The following KCNIP4 variants were observed in gnomAD, a reference collection of about 807,000 sequenced individuals.
KCNIP4 encodes the protein potassium voltage-gated channel interacting protein 4.
KCNIP4 carries 12 observed loss-of-function variants against 34.0 expected under a neutral mutation model. That is an observed-to-expected ratio of 0.35 (90% CI 0.23 to 0.57). The LOEUF (loss-of-function observed/expected upper bound fraction) is 0.57. KCNIP4 is among the 20% of genes least tolerant of loss of function. The pLI is 0.83. For synonymous variants in KCNIP4, 124 were observed against 102.2 expected (o/e 1.21, Z -1.29); for missense variants, 238 against 311.7 (o/e 0.76, Z 1.78).
intron 1 of KCNIP4, among the ~76,000 whole-genome samples, chr4:20,962,861 G>A (rs1733980013): frequency 6.6e-6 from 1 of 152,150 alleles, no homozygotes; most frequent in African/African-American, 2.4e-5. Context: ...TTCAACTCAT[G>A]TCTTATCCAT....
At chr4:21,636,140 G>A (rs1462798528) in intron 1 of KCNIP4, among the ~76,000 whole-genome samples, 1 of 125,336 alleles carries the variant, frequency 8.0e-6, no homozygotes, top group Non-Finnish European at 1.6e-5. Flanking sequence ...GGACTGTTGT[G>A]GGGTGGGGGG....
At chr4:21,288,980 T>C (rs62294086) in intron 1 of KCNIP4, among the ~76,000 whole-genome samples, 9 of 152,132 alleles carry the variant, frequency 5.9e-5, no homozygotes, top group Non-Finnish European at 1.2e-4. Context: ...CACTTGTTAA[T>C]AAAGGAAAAC....
intron 1 of KCNIP4, among the ~76,000 whole-genome samples, chr4:21,789,598 C>A (rs1171678969): frequency 6.6e-6 from 1 of 152,216 alleles, no homozygotes; most frequent in Admixed American, 6.5e-5. Flanking sequence ...GACTACGTAA[C>A]ATCTTTGCTA....
intron 1 of KCNIP4, among the ~76,000 whole-genome samples, chr4:20,952,530 G>A (rs1732884854): frequency 6.6e-6 from 1 of 151,986 alleles, no homozygotes; most frequent in South Asian, 2.1e-4. Flanking sequence ...AAAACTATAT[G>A]TTCAAAGTCA....
At chr4:21,229,491 T>C (rs1758644017) in intron 1 of KCNIP4, among the ~76,000 whole-genome samples, 1 of 152,184 alleles carries the variant, frequency 6.6e-6, no homozygotes, top group Non-Finnish European at 1.5e-5. Context: ...ATTTATTCAT[T>C]TGCAAACACA....
intron 1 of KCNIP4, among the ~76,000 whole-genome samples, chr4:21,017,447 T>A (rs1739645855): frequency 6.6e-6 from 1 of 152,190 alleles, no homozygotes; most frequent in South Asian, 2.1e-4. Flanking sequence ...CAGTGTTTGG[T>A]TTTCTGTTCC....
chr4:20,946,041 T>C (rs913670154), intron 1 of KCNIP4, among the ~76,000 whole-genome samples: 1 of 152,112 alleles, frequency 6.6e-6, no homozygotes, highest in African/African-American at 2.4e-5. Flanking sequence ...AAAAAAATAC[T>C]GAGAAGTTTA....
intron 1 of KCNIP4, among the ~76,000 whole-genome samples, chr4:21,612,046 T>C (rs772062307): frequency 6.6e-6 from 1 of 152,240 alleles, no homozygotes; most frequent in Non-Finnish European, 1.5e-5. Flanking sequence ...TAATTGTCTT[T>C]TTAATAACAA....
At chr4:21,685,506 C>T (rs955103816) in intron 1 of KCNIP4, among the ~76,000 whole-genome samples, 1 of 152,132 alleles carries the variant, frequency 6.6e-6, no homozygotes, top group Admixed American at 6.5e-5. Flanking sequence ...CCACCTGAGG[C>T]ACTTGTCACA....
intron 1 of KCNIP4, among the ~76,000 whole-genome samples, chr4:21,267,626 G>C (rs1279843046): frequency 3.4e-5 from 5 of 145,148 alleles, no homozygotes; most frequent in African/African-American, 7.6e-5. Flanking sequence ...TTTGTCTTTG[G>C]TTCTGTTTAT....
intron 1 of KCNIP4, among the ~76,000 whole-genome samples, chr4:21,934,207 A>T (rs1729725908): frequency 6.6e-6 from 1 of 152,032 alleles, no homozygotes; most frequent in African/African-American, 2.4e-5. Context: ...CCAGGATAAG[A>T]TATATCCTTC....
chr4:21,023,036 T>G (rs1740213342), intron 1 of KCNIP4, among the ~76,000 whole-genome samples: 1 of 152,164 alleles, frequency 6.6e-6, no homozygotes, highest in South Asian at 2.1e-4. Context: ...TTGGTCAGGC[T>G]GGTCTCGAAG....
chr4:21,056,809 G>GTGATAATA lies in KCNIP4; in HGVS notation c.62-174108_62-174101dup, dbSNP rs534581699. Among the ~76,000 whole-genome samples, 153 of 152,208 alleles carry GTGATAATA rather than the reference G, an allele frequency of 1.0e-3. 2 individuals are homozygous for GTGATAATA. Among genetic ancestry groups the GTGATAATA allele is most frequent in the Middle Eastern group, 3.4e-3 (1 of 294 alleles). On this transcript the variant is annotated intron_variant, in intron 1 of 8. Transcript: ENST00000382152. ...TATATGCAGAAGCCCTAAATCCAAT[G>GTGATAATA]TGATAATATTGGGAAGTGGGGCCTT... is the stretch of plus-strand genomic sequence containing the variant.
intron 1 of KCNIP4, among the ~76,000 whole-genome samples, chr4:21,506,298 A>G (rs902001107): frequency 4.6e-5 from 7 of 152,164 alleles, no homozygotes; most frequent in African/African-American, 1.7e-4. Context: ...CTTCCTCTTC[A>G]TAGCCACCTG....
intron 1 of KCNIP4, among the ~76,000 whole-genome samples, chr4:21,330,045 GC>G (rs1715475050): frequency 6.6e-6 from 1 of 152,052 alleles, no homozygotes; most frequent in Admixed American, 6.6e-5. Context: ...GACTTCATAA[GC>G]AAAAGCATAC....
chr4:21,381,408 G>T (rs1721492482), intron 1 of KCNIP4, among the ~76,000 whole-genome samples: 1 of 152,118 alleles, frequency 6.6e-6, no homozygotes, highest in Non-Finnish European at 1.5e-5. Flanking sequence ...TCATTCATAT[G>T]CTTTCATTCT....
intron 1 of KCNIP4, among the ~76,000 whole-genome samples, chr4:21,642,653 C>A (rs1290794256): frequency 3.3e-5 from 5 of 151,896 alleles, no homozygotes; most frequent in Non-Finnish European, 7.4e-5. Context: ...GTCTTAGTTC[C>A]AAAGAGAGGA....
intron 1 of KCNIP4, among the ~76,000 whole-genome samples, chr4:21,008,776 G>A (rs1205989980): frequency 6.6e-6 from 1 of 151,724 alleles, no homozygotes; most frequent in African/African-American, 2.4e-5. Context: ...CGCCCGCCTC[G>A]GCCTCCCAGA....
chr4:21,756,570 G>GAGAGAGAGA (rs1485810613), intron 1 of KCNIP4, among the ~76,000 whole-genome samples: 2 of 143,500 alleles, frequency 1.4e-5, no homozygotes, highest in Non-Finnish European at 3.1e-5. Flanking sequence ...AAAAAAAAAA[G>GAGAGAGAGA]AGAGAGAGAG....
Sources: allele counts gnomAD v4.1 joint callset (sites outside exome capture counted in the v4.1 genomes callset), GRCh38; gene constraint gnomAD v4.1.1; transcripts MANE v1.5; gene names NCBI Gene and HGNC (gene_info 2026-07-23, HGNC 2026-07-21).